GARRE1: variants seen among roughly 807,000 people sequenced by gnomAD.
GARRE1 encodes the protein granule associated Rac and RHOG effector protein 1.
GARRE1 carries 49 observed loss-of-function variants against 103.2 expected under a neutral mutation model. The observed-to-expected ratio is 0.47, with a 90% CI of 0.38 to 0.60. The LOEUF (loss-of-function observed/expected upper bound fraction) is 0.60, where lower values mean the gene tolerates loss of function less well. Ranked by LOEUF, GARRE1 falls within the 20% of genes least tolerant of loss-of-function variation. The probability of loss-of-function intolerance (pLI) is 0.00; values close to 1 mark genes in which losing one functional copy is unlikely to be tolerated. For missense variants in GARRE1, 1,199 were observed against 1,370.5 expected (o/e 0.87, Z 1.98); for synonymous variants, 505 against 532.8 (o/e 0.95, Z 0.72).
chr19:34,256,391 G>A (rs542561904), intron 1 of GARRE1, among the ~76,000 whole-genome samples: 30 of 151,756 alleles, frequency 2.0e-4, no homozygotes, highest in African/African-American at 7.2e-4. Flanking sequence ...ATGGTGGCGC[G>A]CTCCTGTAGT....
At chr19:34,348,085 G>A in intron 11 of GARRE1, 43 bp downstream of exon 11, 1 of 1,382,858 alleles carries the variant, frequency 7.2e-7, no homozygotes, top group Admixed American at 2.9e-5. Flanking sequence ...TGAGACCCAG[G>A]TGTCCCCCGA....
chr19:34,300,423 G>T lies in GARRE1; in HGVS notation c.-51G>T, dbSNP rs2073970944. On this transcript the variant is annotated 5_prime_UTR_variant, in exon 2 of 14. Transcript: ENST00000299505. ...ACCTAGCTACAGTTTTGAGAAAGAA[G>T]AATCAGAACCCTGACCCACTTACGG... 1.3e-6 allele frequency: 2 copies of T among 1,504,486 alleles called. No homozygotes were observed. The highest frequency in any genetic ancestry group is 2.3e-5 in the East Asian group (1 of 43,658). 93.2% of individuals were successfully genotyped at this position (1,504,486 alleles called of 1,614,324 possible). A position where few individuals can be genotyped will look rare whatever the true frequency, so the allele number is the denominator to read the frequency against.
At chr19:34,292,141 C>T (rs961529076) in intron 1 of GARRE1, among the ~76,000 whole-genome samples, 4 of 152,288 alleles carry the variant, frequency 2.6e-5, no homozygotes, top group Admixed American at 6.5e-5. Context: ...GGATTACAGG[C>T]GTGAGCCACC....
intron 1 of GARRE1, among the ~76,000 whole-genome samples, chr19:34,260,983 T>C (rs980335339): frequency 2.6e-5 from 4 of 152,184 alleles, no homozygotes; most frequent in South Asian, 2.1e-4. Context: ...TGTAGCACTC[T>C]CTGGGGGCCT....
At chr19:34,338,344 T>G (rs369244121) in intron 8 of GARRE1, among the ~76,000 whole-genome samples, 3 of 152,256 alleles carry the variant, frequency 2.0e-5, no homozygotes, top group East Asian at 3.9e-4. Flanking sequence ...AGGACCAGCC[T>G]GGGCAACATA....
At chr19:34,318,436 C>T (rs1599770535) in intron 2 of GARRE1, among the ~76,000 whole-genome samples, 1 of 152,216 alleles carries the variant, frequency 6.6e-6, no homozygotes, top group Admixed American at 6.5e-5. Flanking sequence ...TCACCACTTG[C>T]GTGAGGCAGT....
chr19:34,267,839 T>A (rs886259251), intron 1 of GARRE1, among the ~76,000 whole-genome samples: 1 of 151,486 alleles, frequency 6.6e-6, no homozygotes, highest in Non-Finnish European at 1.5e-5. Flanking sequence ...AGTGGGGTAA[T>A]CTTGGCTCAC....
In GARRE1 at chr19:34,354,276, G is replaced by A. The variant is rs1361753615; in HGVS notation, c.*1321G>A. 2.6e-5 allele frequency: 4 copies of A among 151,828 alleles called. No individual in the cohort carries two copies. The highest frequency in any genetic ancestry group is 1.3e-4 in the Admixed American group (2 of 15,214). 9.4% of individuals were successfully genotyped at this position (151,828 alleles called of 1,614,324 possible). On this transcript the variant is annotated 3_prime_UTR_variant, in exon 14 of 14. Transcript: ENST00000299505. ...TAATATATGTTAACTACTAATAAAT[G>A]GTTTATTCTTTCTAACTCCATATAA...
At chr19:34,307,204 G>A (rs531544237) in intron 2 of GARRE1, among the ~76,000 whole-genome samples, 18 of 152,276 alleles carry the variant, frequency 1.2e-4, no homozygotes, top group Non-Finnish European at 1.9e-4. Context: ...GAGGCAAGGT[G>A]AGGTACACCT....
At chr19:34,286,662 G>C (rs1324565281) in intron 1 of GARRE1, among the ~76,000 whole-genome samples, 6 of 147,780 alleles carry the variant, frequency 4.1e-5, no homozygotes, top group African/African-American at 1.5e-4. Context: ...CTACCACGCC[G>C]GGCTAATGTT....
chr19:34,321,802 G>T (rs541639955), intron 3 of GARRE1, among the ~76,000 whole-genome samples: 122 of 152,272 alleles, frequency 8.0e-4, no homozygotes, highest in African/African-American at 2.8e-3. Flanking sequence ...TCCCTTGGAA[G>T]ATCAGCTATT....
At chr19:34,335,837 G>C (rs1308450853) in intron 8 of GARRE1, among the ~76,000 whole-genome samples, 1 of 151,968 alleles carries the variant, frequency 6.6e-6, no homozygotes, top group East Asian at 1.9e-4. Flanking sequence ...ATTTGTTCTT[G>C]AAATGTAAGA....
intron 8 of GARRE1, among the ~76,000 whole-genome samples, chr19:34,337,313 A>G (rs1053294895): frequency 1.3e-5 from 2 of 152,198 alleles, no homozygotes; most frequent in African/African-American, 4.8e-5. Context: ...GCTGTTAAGT[A>G]TAAGAGATGA....
intron 11 of GARRE1, 83 bp from the exon 12 acceptor site, chr19:34,348,933 G>A: frequency 1.3e-6 from 2 of 1,527,880 alleles, no homozygotes; most frequent in Non-Finnish European, 1.8e-6. Context: ...ATGAATGCAG[G>A]GTAAGGACTG....
chr19:34,319,829 G>A (rs2074076943), intron 2 of GARRE1, 78 bp from the exon 3 acceptor site: 3 of 1,185,018 alleles, frequency 2.5e-6, no homozygotes, highest in South Asian at 2.5e-5. Context: ...TTCTATTCAA[G>A]TTGGTCATTG....
At chr19:34,331,382 G>C (rs1233918531) in intron 7 of GARRE1, among the ~76,000 whole-genome samples, 1 of 151,846 alleles carries the variant, frequency 6.6e-6, no homozygotes, top group Non-Finnish European at 1.5e-5. Flanking sequence ...TTATCATGTA[G>C]GTCACTCCTT....
Position 34,300,958 on chromosome 19 carries a change from A to G in GARRE1, c.485A>G (p.Gln162Arg). 6.3e-7 allele frequency: 1 copy of G among 1,598,386 alleles called. No individual in the cohort carries two copies. The highest frequency in any genetic ancestry group is 8.5e-7 in the Non-Finnish European group (1 of 1,177,564). ...NFTDQKEFSLQDIEVLGRCFL... is the reference protein window; with the variant it reads ...NFTDQKEFSLRDIEVLGRCFL... Reference sequence around the variant, plus strand: ...ACGGATCAGAAGGAATTCAGTCTCCAGGACATTGAGGTAGAGTATCTTTTG... The same window carrying G: ...ACGGATCAGAAGGAATTCAGTCTCCGGGACATTGAGGTAGAGTATCTTTTG... Residue 162 changes from glutamine (Q) to arginine (R), a missense_variant, in exon 2 of 14, where the codon CAG becomes CGG. Coordinates refer to ENST00000299505, the MANE Select transcript of GARRE1 (RefSeq NM_014686.5).
chr19:34,280,448 A>G (rs1349537720), intron 1 of GARRE1, among the ~76,000 whole-genome samples: 1 of 152,112 alleles, frequency 6.6e-6, no homozygotes, highest in Non-Finnish European at 1.5e-5. Flanking sequence ...GGAGTTCTTT[A>G]TATATTCTGG....
At chr19:34,279,560 C>G (rs1049851847) in intron 1 of GARRE1, among the ~76,000 whole-genome samples, 4 of 152,046 alleles carry the variant, frequency 2.6e-5, no homozygotes, top group African/African-American at 9.7e-5. Flanking sequence ...ATTAGCCATC[C>G]TAATAGGGTA....
Sources: gnomAD v4.1 joint callset for allele counts (sites outside exome capture counted in the v4.1 genomes callset) on GRCh38, gnomAD v4.1.1 for gene constraint, MANE v1.5 for transcripts, NCBI Gene and HGNC (gene_info 2026-07-23, HGNC 2026-07-21) for gene names.